The following NPR2 variants were observed in gnomAD, a reference collection of about 807,000 sequenced individuals.
The protein encoded by NPR2 is atrial natriuretic peptide receptor 2.
A neutral mutation model predicts 120.7 loss-of-function variants in NPR2; 49 were observed. That is an observed-to-expected ratio of 0.41 (90% CI 0.32 to 0.52). The LOEUF (loss-of-function observed/expected upper bound fraction) is 0.52. Among genes scored for constraint, NPR2 ranks in the 20% least tolerant of loss-of-function variants. The pLI is 0.36. For synonymous variants in NPR2, 484 were observed against 519.8 expected (o/e 0.93, Z 0.94); for missense variants, 931 against 1,362.9 (o/e 0.68, Z 4.99).
Position 35,800,033 on chromosome 9 carries a change from C to A in NPR2, c.999C>A (p.Ile333=), listed in dbSNP as rs28764009. 7 of 1,614,012 alleles carry A rather than the reference C, an allele frequency of 4.3e-6. No homozygotes were observed. The Admixed American group carries it at 1.0e-4, about 23-fold the overall frequency. ...GTTGCCACCCCCAGATGAACCTCAT[C>A]GCTGGCTGCTTCTATGATGGGATCC... ...VELGPSLMNL[I]AGCFYDGILL... is the part of the protein sequence containing the mutation. The change falls in exon 4 of 22, where the codon ATC becomes ATA. Residue 333 remains isoleucine (I), a synonymous_variant. Coordinates refer to ENST00000342694, the MANE Select transcript of NPR2 (RefSeq NM_003995.4). This position sits in a 1 kb window ranked among gnomAD's most constrained non-coding sequence, Gnocchi z 4.7.
Position 35,802,357 on chromosome 9 carries a change from C to G in NPR2, c.1710+74C>G, listed in dbSNP as rs1828202402. ...GAAAACTATGAAATAGTAAAATTGG[C>G]TAGATGGGCAAGGGGTTGATTTATA... is the stretch of plus-strand genomic sequence containing the variant. On this transcript the variant is annotated intron_variant, in intron 10 of 21. Transcript: ENST00000342694. The surrounding 1 kb of genome is among the most constrained non-coding windows in gnomAD (Gnocchi z 4.2). The G allele has an allele frequency of 3.8e-6, 4 of 1,042,692 alleles. No homozygotes were observed. Among genetic ancestry groups the G allele is most frequent in the Non-Finnish European group, 4.5e-6 (3 of 663,098 alleles). 64.6% of individuals were successfully genotyped at this position (1,042,692 alleles called of 1,614,324 possible). A position where few individuals can be genotyped will look rare whatever the true frequency, so the allele number is the denominator to read the frequency against.
Position 35,802,466 on chromosome 9 carries a change from C to G in NPR2, c.1711-37C>G. ...TTCTGTATCTAATTTTTAACTCTTTCAATTTTCTTATCCTTCCCATTGTTT... is the reference window on the plus strand; with the variant it reads ...TTCTGTATCTAATTTTTAACTCTTTGAATTTTCTTATCCTTCCCATTGTTT... On this transcript the variant is annotated intron_variant, in intron 10 of 21. Transcript: ENST00000342694. This position sits in a 1 kb window ranked among gnomAD's most constrained non-coding sequence, Gnocchi z 4.2. 7.9e-7 allele frequency: 1 copy of G among 1,262,778 alleles called. No homozygotes were observed. The highest frequency in any genetic ancestry group is 1.2e-6 in the Non-Finnish European group (1 of 859,192). 78.2% of individuals were successfully genotyped at this position (1,262,778 alleles called of 1,614,324 possible). A position where few individuals can be genotyped will look rare whatever the true frequency, so the allele number is the denominator to read the frequency against.
chr9:35,794,107 T>A lies in NPR2; in HGVS notation c.873+4T>A. On this transcript the variant is annotated splice_donor_region_variant and intron_variant, in intron 2 of 21. Coordinates refer to ENST00000342694, the MANE Select transcript of NPR2 (RefSeq NM_003995.4). ...GGCCCTCAGAGAGGCCTTTCAGGTATCATTTGAGCCAAATCTGAAGGAGGA... is the reference window on the plus strand; with the variant it reads ...GGCCCTCAGAGAGGCCTTTCAGGTAACATTTGAGCCAAATCTGAAGGAGGA... The A allele has an allele frequency of 6.2e-7, 1 of 1,612,354 alleles. No homozygotes were observed. Among genetic ancestry groups the A allele is most frequent in the Non-Finnish European group, 8.5e-7 (1 of 1,178,742 alleles).
rs572542145 is a variant in NPR2 at position 35,809,518 on chromosome 9, C to T, written c.*73C>T. On this transcript the variant is annotated 3_prime_UTR_variant, in exon 22 of 22. Transcript: ENST00000342694. The surrounding 1 kb of genome is among the most constrained non-coding windows in gnomAD (Gnocchi z 4.1). ...GTGGGCAATGGCCACCATGTCTGCA[C>T]ACACCAGAAATGGACATTTTCATAT... 3.7e-6 allele frequency: 6 copies of T among 1,610,908 alleles called. No homozygotes were observed. The African/African-American group carries it at 5.3e-5, about 14-fold the overall frequency.
Position 35,800,565 on chromosome 9 carries a change from TA to T in NPR2, c.1218+83del. On this transcript the variant is annotated intron_variant, in intron 5 of 21. Transcript: ENST00000342694. The surrounding 1 kb of genome is among the most constrained non-coding windows in gnomAD (Gnocchi z 4.7). ...GGTTCAGTCGGGGCAGAACCAAAAC[TA>T]CTAGATGAGGGATTTGTTTTCTCTG... is the stretch of plus-strand genomic sequence containing the variant. The T allele has an allele frequency of 6.4e-7, 1 of 1,564,710 alleles. No homozygotes were observed. Among genetic ancestry groups the T allele is most frequent in the Non-Finnish European group, 8.8e-7 (1 of 1,136,198 alleles).
chr9:35,801,780 G>C lies in NPR2; in HGVS notation c.1557+17G>C, dbSNP rs775651964. On this transcript the variant is annotated intron_variant, in intron 8 of 21. Coordinates refer to ENST00000342694, the MANE Select transcript of NPR2 (RefSeq NM_003995.4). ...CTGTCGCTGGTGAGCCCTTGTCTCAGCTGTTCCTCTGCCTCCCTCTGAGTT... is the reference window on the plus strand; with the variant it reads ...CTGTCGCTGGTGAGCCCTTGTCTCACCTGTTCCTCTGCCTCCCTCTGAGTT... 6.2e-7 allele frequency: 1 copy of C among 1,614,170 alleles called. No individual in the cohort carries two copies. The highest frequency in any genetic ancestry group is 1.7e-5 in the Admixed American group (1 of 60,026).
At position 35,794,041 on chromosome 9, in the gene NPR2, G is replaced by C; in HGVS notation, c.811G>C (p.Gly271Arg). Residue 271 changes from glycine to arginine, a missense_variant, in exon 2 of 22, where the codon GGC (glycine) becomes CGC (arginine). By Grantham distance (125) the Gly-to-Arg change is moderately radical. Transcript: ENST00000342694. ...SLRAGPTRAT[G>R]RPWQDNRTRE... Reference sequence around the variant, plus strand: ...CCGTGCAGGCCCCACACGTGCTACAGGCCGGCCCTGGCAGGACAATCGCAC... The same window carrying C: ...CCGTGCAGGCCCCACACGTGCTACACGCCGGCCCTGGCAGGACAATCGCAC... The C allele has an allele frequency of 6.2e-7, 1 of 1,614,246 alleles. No homozygotes were observed. The highest frequency in any genetic ancestry group is 8.5e-7 in the Non-Finnish European group (1 of 1,180,048).
rs748119859 is a variant in NPR2 at position 35,799,620 on chromosome 9, T to C, written c.876T>C (p.Thr292=). ...TTCCCCATATGCTGCTGGTACAGAC[T>C]GTATTGGTGATCACGTACCGAGAAC... ...QAQALREAFQ[T]VLVITYREPP... Residue 292 remains threonine, a splice_region_variant and synonymous_variant, in exon 3 of 22, where the codon ACT becomes ACC. Coordinates refer to ENST00000342694, the MANE Select transcript of NPR2 (RefSeq NM_003995.4). The C allele has an allele frequency of 4.4e-5, 71 of 1,607,828 alleles. No individual in the cohort carries two copies. Among genetic ancestry groups the C allele is most frequent in the Non-Finnish European group, 5.8e-5 (68 of 1,174,408 alleles).
chr9:35,805,501 T>C lies in NPR2; in HGVS notation c.1888-10T>C. 1.2e-6 allele frequency: 2 copies of C among 1,614,136 alleles called. No homozygotes were observed. Among genetic ancestry groups the C allele is most frequent in the Non-Finnish European group, 8.5e-7 (1 of 1,179,950 alleles). Reference sequence around the variant, plus strand: ...TGATCCAATCCCATGACTTGATCTGTACCCTGCAGGGCATGGCCTTTCTCC... The same window carrying C: ...TGATCCAATCCCATGACTTGATCTGCACCCTGCAGGGCATGGCCTTTCTCC... On this transcript the variant is annotated splice_polypyrimidine_tract_variant and intron_variant, in intron 12 of 21. Transcript: ENST00000342694. This position sits in a 1 kb window ranked among gnomAD's most constrained non-coding sequence, Gnocchi z 4.9.
chr9:35,792,957 C>T lies in NPR2; in HGVS notation c.549C>T (p.Thr183=). 6.2e-7 allele frequency: 1 copy of T among 1,613,974 alleles called. No individual in the cohort carries two copies. The highest frequency in any genetic ancestry group is 8.5e-7 in the Non-Finnish European group (1 of 1,180,008). ...CAGATGACCGGCCTCACTACTTCACCATCGAGGGCGTCTTTGAGGCCCTGC... is the reference window on the plus strand; with the variant it reads ...CAGATGACCGGCCTCACTACTTCACTATCGAGGGCGTCTTTGAGGCCCTGC... The part of the protein sequence containing the change: ...ARTDDRPHYF[T]IEGVFEALQG... The change falls in exon 1 of 22, where the codon ACC becomes ACT. Residue 183 remains threonine, a synonymous_variant. Transcript: ENST00000342694.
At chr9:35,795,675 C>T (rs979432934) in intron 2 of NPR2, among the ~76,000 whole-genome samples, 15 of 152,144 alleles carry the variant, frequency 9.9e-5, no homozygotes, top group Non-Finnish European at 7.3e-5. Flanking sequence ...TTGTTTATGC[C>T]ATAATGTTTT....
At position 35,802,028 on chromosome 9, in the gene NPR2, C is replaced by G. The variant is rs1828187410; in HGVS notation, c.1632+28C>G. 1.3e-6 allele frequency: 2 copies of G among 1,598,848 alleles called. No individual in the cohort carries two copies. Among genetic ancestry groups the G allele is most frequent in the Non-Finnish European group, 1.7e-6 (2 of 1,166,062 alleles). On this transcript the variant is annotated intron_variant, in intron 9 of 21. Coordinates refer to ENST00000342694, the MANE Select transcript of NPR2 (RefSeq NM_003995.4). This position sits in a 1 kb window ranked among gnomAD's most constrained non-coding sequence, Gnocchi z 4.2. ...GAACAGTCATTTGCTTGTTCTGGTC[C>G]CCACCATTTCATCCTGTCTCATCCC...
At position 35,805,798 on chromosome 9, in the gene NPR2, G is replaced by A. The variant is rs1828349937; in HGVS notation, c.2048-32G>A. ...GTGGGCTTGGGGGTGCCCCATTTCG[G>A]GGGACCTGGCCAGCCGGTTTCCTCT... On this transcript the variant is annotated intron_variant, in intron 13 of 21. Transcript: ENST00000342694. This position sits in a 1 kb window ranked among gnomAD's most constrained non-coding sequence, Gnocchi z 4.9. 1 of 1,613,220 alleles carries A rather than the reference G, an allele frequency of 6.2e-7. No homozygotes were observed. The highest frequency in any genetic ancestry group is 1.3e-5 in the African/African-American group (1 of 74,934).
chr9:35,808,051 TAAA>T lies in NPR2; in HGVS notation c.2713-456_2713-454del. 1.3e-6 allele frequency: 1 copy of T among 750,928 alleles called. No individual in the cohort carries two copies. Among genetic ancestry groups the T allele is most frequent in the South Asian group, 1.6e-5 (1 of 61,232 alleles). The allele number at this position is 750,928 out of a possible 1,614,324, so 46.5% of individuals were successfully genotyped here. On this transcript the variant is annotated intron_variant, in intron 18 of 21. Coordinates refer to ENST00000342694, the MANE Select transcript of NPR2 (RefSeq NM_003995.4). This position sits in a 1 kb window ranked among gnomAD's most constrained non-coding sequence, Gnocchi z 4.0. Reference sequence around the variant, plus strand: ...CTAAAAACTTCACTGTGTATTTCCTTAAAACAATGGCATTTATTCTCTTACATA... The same window carrying T: ...CTAAAAACTTCACTGTGTATTTCCTTACAATGGCATTTATTCTCTTACATA...
rs202137382 is a variant in NPR2, at chr9:35,809,286, G to T, written c.3078+39G>T. 1 of 1,610,566 alleles carries T rather than the reference G, an allele frequency of 6.2e-7. No individual in the cohort carries two copies. The highest frequency in any genetic ancestry group is 1.1e-5 in the South Asian group (1 of 91,014). On this transcript the variant is annotated intron_variant, in intron 21 of 21. Coordinates refer to ENST00000342694, the MANE Select transcript of NPR2 (RefSeq NM_003995.4). The surrounding 1 kb of genome is among the most constrained non-coding windows in gnomAD (Gnocchi z 4.1). ...ATGGGGAGGGGGGCATGGAAAGGGAGGGTGAAAGTGATTATGGGAATCATA... is the reference window on the plus strand; with the variant it reads ...ATGGGGAGGGGGGCATGGAAAGGGATGGTGAAAGTGATTATGGGAATCATA...
Position 35,805,426 on chromosome 9 carries a change from A to G in NPR2, c.1888-85A>G. ...ATTTTTGTGGACCCAAGATCTGTAGACAGCTAGCCAGTGCCCATCTCATGG... is the reference window on the plus strand; with the variant it reads ...ATTTTTGTGGACCCAAGATCTGTAGGCAGCTAGCCAGTGCCCATCTCATGG... On this transcript the variant is annotated intron_variant, in intron 12 of 21. Coordinates refer to ENST00000342694, the MANE Select transcript of NPR2 (RefSeq NM_003995.4). This position sits in a 1 kb window ranked among gnomAD's most constrained non-coding sequence, Gnocchi z 4.9. 1 of 1,359,880 alleles carries G rather than the reference A, an allele frequency of 7.4e-7. No homozygotes were observed. Among genetic ancestry groups the G allele is most frequent in the Non-Finnish European group, 1.1e-6 (1 of 949,464 alleles). 84.2% of individuals were successfully genotyped at this position (1,359,880 alleles called of 1,614,324 possible). A position where few individuals can be genotyped will look rare whatever the true frequency, so the allele number is the denominator to read the frequency against.
Position 35,805,558 on chromosome 9 carries a change from C to T in NPR2, c.1935C>T (p.Leu645=), listed in dbSNP as rs776250157. ...GCATTATTTCATCGCATGGGAGTCT[C>T]AAGTCCTCCAACTGTGTGGTGGATA... ...HNSIISSHGS[L]KSSNCVVDSR... is the part of the protein sequence containing the mutation. The change falls in exon 13 of 22, where the codon CTC becomes CTT. Residue 645 remains leucine, a synonymous_variant. Coordinates refer to ENST00000342694, the MANE Select transcript of NPR2 (RefSeq NM_003995.4). The surrounding 1 kb of genome is among the most constrained non-coding windows in gnomAD (Gnocchi z 4.9). 1.2e-6 allele frequency: 2 copies of T among 1,614,072 alleles called. No homozygotes were observed. The highest frequency in any genetic ancestry group is 1.1e-5 in the South Asian group (1 of 91,088).
At position 35,803,384 on chromosome 9, in the gene NPR2, G is replaced by A. The variant is rs1483515163; in HGVS notation, c.1887+581G>A. ...CTCCCAAAGTGCTGGGATTACAGGCGTGAGCCACCGCGCCCGGCCTGAACA... is the reference window on the plus strand; with the variant it reads ...CTCCCAAAGTGCTGGGATTACAGGCATGAGCCACCGCGCCCGGCCTGAACA... On this transcript the variant is annotated intron_variant, in intron 12 of 21. Coordinates refer to ENST00000342694, the MANE Select transcript of NPR2 (RefSeq NM_003995.4). Among the ~76,000 whole-genome samples the A allele has an allele frequency of 3.7e-5, 3 of 82,108 alleles. 1 individual carries two copies. The highest frequency in any genetic ancestry group is 1.6e-4 in the African/African-American group (2 of 12,334). The allele number at this position is 82,108 out of a possible 152,430, so 53.9% of individuals were successfully genotyped here. A position where few individuals can be genotyped will look rare whatever the true frequency, so the allele number is the denominator to read the frequency against.
intron 3 of NPR2, 27 bp from the exon 4 acceptor site, chr9:35,799,995 G>A (rs372715064): frequency 6.2e-7 from 1 of 1,613,330 alleles, no homozygotes; most frequent in East Asian, 2.2e-5. Context: ...GACATTTGGA[G>A]AGTACTGCTG....
Sources: gnomAD v4.1 joint callset for allele counts (sites outside exome capture counted in the v4.1 genomes callset) on GRCh38, gnomAD v4.1.1 for gene constraint, Gnocchi (gnomAD v3.1) non-coding constraint, MANE v1.5 for transcripts, NCBI Gene and HGNC (gene_info 2026-07-23, HGNC 2026-07-21) for gene names.